SMAP1: variants seen among roughly 807,000 people sequenced by gnomAD.
The protein encoded by SMAP1 is small ArfGAP 1, also known as stromal membrane-associated protein 1.
In SMAP1, 24 loss-of-function variants were observed where a neutral mutation model predicts 58.5. The observed-to-expected ratio is 0.41, with a 90% CI of 0.30 to 0.58. SMAP1 has a LOEUF of 0.58. SMAP1 is among the 20% of genes least tolerant of loss of function. The pLI, the probability that SMAP1 is intolerant of heterozygous loss-of-function variation, is 0.29. For synonymous variants in SMAP1, 216 were observed against 196.6 expected, an observed-to-expected ratio of 1.10 and a Z score of -0.82; for missense variants, 563 against 566.3, an observed-to-expected ratio of 0.99 and a Z score of 0.06.
chr6:70,753,960 G>A (rs1766384022), intron 2 of SMAP1, among the ~76,000 whole-genome samples: 1 of 152,036 alleles, frequency 6.6e-6, no homozygotes, highest in South Asian at 2.1e-4. Context: ...ACTCTCAGTT[G>A]GGAGAAGAGT....
At chr6:70,824,414 A>G (rs1381867194) in intron 6 of SMAP1, among the ~76,000 whole-genome samples, 1 of 152,190 alleles carries the variant, frequency 6.6e-6, no homozygotes, top group Non-Finnish European at 1.5e-5. Context: ...CCTCTTGTTT[A>G]GAAAACAGGA....
chr6:70,813,119 AT>A (rs978548233), intron 6 of SMAP1, among the ~76,000 whole-genome samples: 6 of 151,972 alleles, frequency 3.9e-5, no homozygotes, highest in Non-Finnish European at 7.4e-5. Flanking sequence ...ATGGTTTCGT[AT>A]TTTTTATTTT....
At chr6:70,808,542 C>T (rs1467349594) in intron 6 of SMAP1, among the ~76,000 whole-genome samples, 1 of 152,192 alleles carries the variant, frequency 6.6e-6, no homozygotes, top group Non-Finnish European at 1.5e-5. Flanking sequence ...AGCTCCTGAT[C>T]CATCAGTCAC....
At chr6:70,782,522 C>A (rs891600946) in intron 4 of SMAP1, among the ~76,000 whole-genome samples, 1 of 152,142 alleles carries the variant, frequency 6.6e-6, no homozygotes, top group Non-Finnish European at 1.5e-5. Flanking sequence ...ACATATGAGG[C>A]CTAGCTTCCC....
At chr6:70,717,421 C>T (rs935326867) in intron 1 of SMAP1, among the ~76,000 whole-genome samples, 5 of 152,178 alleles carry the variant, frequency 3.3e-5, no homozygotes, top group Non-Finnish European at 7.3e-5. Context: ...GTCACTTACA[C>T]GCACGGTCCA....
At chr6:70,726,248 A>G (rs1380128925) in intron 1 of SMAP1, among the ~76,000 whole-genome samples, 1 of 152,196 alleles carries the variant, frequency 6.6e-6, no homozygotes, top group Non-Finnish European at 1.5e-5. Flanking sequence ...ATGCTCCCTT[A>G]GCAGTTTTGG....
At chr6:70,721,147 G>A (rs191837016) in intron 1 of SMAP1, among the ~76,000 whole-genome samples, 8 of 152,116 alleles carry the variant, frequency 5.3e-5, no homozygotes, top group African/African-American at 9.6e-5. Flanking sequence ...CTTTTCTATC[G>A]CATAGTCAGG....
rs9360425 is a variant in SMAP1 at position 70,753,758 on chromosome 6, C to T, written c.253-1222C>T. On this transcript the variant is annotated intron_variant, in intron 2 of 10. Coordinates refer to ENST00000370455, the MANE Select transcript of SMAP1 (RefSeq NM_001044305.3). Reference sequence around the variant, plus strand: ...TTTTGCCTTCTATGTCATCTTGGAGCTTAATGGTAAAGCCCGCCCCTTTAA... The same window carrying T: ...TTTTGCCTTCTATGTCATCTTGGAGTTTAATGGTAAAGCCCGCCCCTTTAA... Among the ~76,000 whole-genome samples, 2,649 of 152,102 alleles carry T rather than the reference C, an allele frequency of 0.017. 394 individuals are homozygous for T. In the East Asian group the frequency reaches 0.38, roughly 22 times the overall value.
intron 4 of SMAP1, among the ~76,000 whole-genome samples, chr6:70,785,917 A>G (rs956504705): frequency 2.0e-5 from 3 of 152,248 alleles, no homozygotes; most frequent in African/African-American, 7.2e-5. Flanking sequence ...ATTCCAATCA[A>G]TAGAAAAAGA....
intron 6 of SMAP1, among the ~76,000 whole-genome samples, chr6:70,834,952 A>C (rs763117675): frequency 1.3e-5 from 2 of 152,078 alleles, no homozygotes; most frequent in African/African-American, 2.4e-5. Context: ...TATTTGAGAG[A>C]GTTATTAAAG....
intron 6 of SMAP1, among the ~76,000 whole-genome samples, chr6:70,833,411 G>A (rs1188909891): frequency 6.6e-6 from 1 of 152,186 alleles, no homozygotes; most frequent in East Asian, 1.9e-4. Context: ...TTTGATAATG[G>A]AGGGATACAA....
At chr6:70,778,878 T>G (rs1317024636) in intron 4 of SMAP1, among the ~76,000 whole-genome samples, 1 of 152,076 alleles carries the variant, frequency 6.6e-6, no homozygotes, top group Non-Finnish European at 1.5e-5. Flanking sequence ...CTGGGCTGGG[T>G]GTGTGGGCAC....
Position 70,861,420 on chromosome 6 carries a change from T to TTTAG in SMAP1, c.*1089_*1092dup, listed in dbSNP as rs1433829973. On this transcript the variant is annotated 3_prime_UTR_variant, in exon 11 of 11. Coordinates refer to ENST00000370455, the MANE Select transcript of SMAP1 (RefSeq NM_001044305.3). The stretch of plus-strand genomic sequence containing the variant: ...GGCACTGTACAAAAAAATCTTCCAA[T>TTTAG]TTAGTTGTTGTAGAGAAAACATGCA... The TTTAG allele has an allele frequency of 2.1e-6, 1 of 485,444 alleles. No homozygotes were observed. The highest frequency in any genetic ancestry group is 3.7e-6 in the Non-Finnish European group (1 of 270,330). The allele number at this position is 485,444 out of a possible 1,614,324, so 30.1% of individuals were successfully genotyped here.
intron 8 of SMAP1, 76 bp from the exon 9 acceptor site, chr6:70,856,783 T>C (rs1479239538): frequency 7.1e-6 from 10 of 1,406,884 alleles, no homozygotes; most frequent in Admixed American, 2.4e-5. Context: ...TTTATAACTT[T>C]ATTTGGATTT....
chr6:70,758,844 T>C (rs755637483), intron 3 of SMAP1, among the ~76,000 whole-genome samples: 6 of 152,066 alleles, frequency 3.9e-5, no homozygotes, highest in African/African-American at 1.4e-4. Flanking sequence ...GCTTATTCAC[T>C]GGGAGAAGGA....
At chr6:70,733,654 G>A (rs1226210729) in intron 2 of SMAP1, among the ~76,000 whole-genome samples, 2 of 152,116 alleles carry the variant, frequency 1.3e-5, no homozygotes, top group African/African-American at 4.8e-5. Flanking sequence ...GTGACTATAG[G>A]CATGCACCAC....
intron 1 of SMAP1, among the ~76,000 whole-genome samples, chr6:70,669,423 G>C (rs1241819957): frequency 1.3e-5 from 2 of 152,174 alleles, no homozygotes; most frequent in Non-Finnish European, 2.9e-5. Context: ...AATCATGCGG[G>C]AATACTGTAA....
rs1768367524 is a variant in SMAP1, at chr6:70,791,700, T to A, written c.426T>A (p.Ser142=). 4 of 1,613,072 alleles carry A rather than the reference T, an allele frequency of 2.5e-6. No homozygotes were observed. ...NAIAITNISS[S]DAPLQPLVSS... ...CCTGTACTCCACAGATTTCCTCCTC[T>A]GATGCTCCTCTTCAGCCTTTGGTAT... The change falls in exon 5 of 11, where the codon TCT becomes TCA. Residue 142 remains serine, a synonymous_variant. Transcript: ENST00000370455.
At chr6:70,704,754 G>A (rs1187391868) in intron 1 of SMAP1, among the ~76,000 whole-genome samples, 1 of 152,138 alleles carries the variant, frequency 6.6e-6, no homozygotes, top group Non-Finnish European at 1.5e-5. Context: ...CATTATTTGT[G>A]AGCTTGAAAG....
Sources: gnomAD v4.1 joint callset for allele counts (sites outside exome capture counted in the v4.1 genomes callset) on GRCh38, gnomAD v4.1.1 for gene constraint, MANE v1.5 for transcripts, NCBI Gene and HGNC (gene_info 2026-07-23, HGNC 2026-07-21) for gene names.